Variants in HDAC9 observed in about 807,000 individuals in gnomAD.
The protein encoded by HDAC9 is MEF-2 interacting transcription repressor (MITR) protein.
Under a neutral mutation model 139.4 loss-of-function variants are expected in HDAC9, and 41 were observed. That is an observed-to-expected ratio of 0.29 (90% CI 0.23 to 0.38). HDAC9 has a LOEUF of 0.38. HDAC9 is among the 10% of genes least tolerant of loss of function. HDAC9 has a pLI of 1.00. For synonymous variants in HDAC9, 517 were observed against 476.2 expected, an observed-to-expected ratio of 1.09 and a Z score of -1.12; for missense variants, 1,147 against 1,297.0, an observed-to-expected ratio of 0.88 and a Z score of 1.78.
intron 1 of HDAC9, among the ~76,000 whole-genome samples, chr7:18,385,388 T>C (rs1785823643): frequency 6.6e-6 from 1 of 152,180 alleles, no homozygotes; most frequent in East Asian, 1.9e-4. Context: ...ATGAATAAAG[T>C]TGCCTTAGTA....
chr7:18,927,437 A>G (rs1340512004), intron 22 of HDAC9, among the ~76,000 whole-genome samples: 1 of 152,116 alleles, frequency 6.6e-6, no homozygotes, highest in Non-Finnish European at 1.5e-5. Flanking sequence ...GCATTTTCCT[A>G]AAGAATAACA....
intron 13 of HDAC9, among the ~76,000 whole-genome samples, chr7:18,743,839 T>C (rs993941847): frequency 9.2e-5 from 14 of 151,880 alleles, no homozygotes; most frequent in African/African-American, 3.4e-4. Context: ...ACATGAACCT[T>C]GTTTCAGAAT....
chr7:18,376,785 C>A (rs1403405751), intron 1 of HDAC9, among the ~76,000 whole-genome samples: 1 of 152,056 alleles, frequency 6.6e-6, no homozygotes, highest in Non-Finnish European at 1.5e-5. Context: ...TAATCATATG[C>A]CTGTTTGCTT....
chr7:18,634,739 C>T lies in HDAC9; in HGVS notation c.909C>T (p.Ala303=), dbSNP rs372266256. 1.1e-5 allele frequency: 17 copies of T among 1,566,862 alleles called. No individual in the cohort carries two copies. The highest frequency in any genetic ancestry group is 1.2e-5 in the South Asian group (1 of 86,326). ...ETSVLPPTPH[A]EQMVSQQRIL... ...CGGTTTTGCCCCCTACCCCTCATGC[C>T]GAGGTAAGACCCTTATTATTTTGTT... The change falls in exon 8 of 26, where the codon GCC becomes GCT. Residue 303 remains alanine, a synonymous_variant. Transcript: ENST00000686413.
intron 21 of HDAC9, among the ~76,000 whole-genome samples, chr7:18,868,146 A>G (rs1798633647): frequency 6.6e-6 from 1 of 152,078 alleles, no homozygotes; most frequent in South Asian, 2.1e-4. Flanking sequence ...GTCTTCTTAT[A>G]TGCCAGGTAA....
At chr7:18,908,277 A>T (rs1163633839) in intron 22 of HDAC9, among the ~76,000 whole-genome samples, 1 of 152,118 alleles carries the variant, frequency 6.6e-6, no homozygotes, top group African/African-American at 2.4e-5. Context: ...GTACATGGTT[A>T]TATGGTACAG....
At chr7:18,848,960 T>A (rs1797090008) in intron 21 of HDAC9, among the ~76,000 whole-genome samples, 1 of 152,140 alleles carries the variant, frequency 6.6e-6, no homozygotes, top group Non-Finnish European at 1.5e-5. Context: ...CTCAAATTAT[T>A]TGAACATGAA....
rs561412258 is a variant in HDAC9, at chr7:18,368,414, C to G, written c.-42+77899C>G. Reference sequence around the variant, plus strand: ...CGGTGATCGGCAGTGCCACTATTGCCATATATCAAATTTCTTATATATCAA... The same window carrying G: ...CGGTGATCGGCAGTGCCACTATTGCGATATATCAAATTTCTTATATATCAA... On this transcript the variant is annotated intron_variant, in intron 1 of 3. Transcript: ENST00000413509. Among the ~76,000 whole-genome samples the G allele has an allele frequency of 7.2e-5, 11 of 152,094 alleles. No homozygotes were observed. The East Asian group carries it at 2.1e-3, about 29-fold the overall frequency.
intron 11 of HDAC9, among the ~76,000 whole-genome samples, chr7:18,648,931 T>C (rs1211564582): frequency 1.3e-5 from 2 of 152,190 alleles, no homozygotes; most frequent in African/African-American, 4.8e-5. Context: ...TGATCAGGTA[T>C]ATATTTTGGT....
Position 18,874,458 on chromosome 7 carries a change from G to T in HDAC9, c.2685-20G>T. On this transcript the variant is annotated intron_variant, in intron 21 of 25. Coordinates refer to ENST00000686413, the MANE Select transcript of HDAC9 (RefSeq NM_178425.4). The stretch of plus-strand genomic sequence containing the variant: ...TATTCACCAGTCCCACGTGTGACCG[G>T]TTGCATTTTTACTGTGCAGGACCAT... 1 of 1,512,398 alleles carries T rather than the reference G, an allele frequency of 6.6e-7. No individual in the cohort carries two copies. The highest frequency in any genetic ancestry group is 9.0e-7 in the Non-Finnish European group (1 of 1,105,792). 93.7% of individuals were successfully genotyped at this position (1,512,398 alleles called of 1,614,324 possible).
At position 18,150,774 on chromosome 7, in the gene HDAC9, C is replaced by T. The variant is rs1208665616; in HGVS notation, c.-96-11455C>T. On this transcript the variant is annotated intron_variant, in intron 1 of 12. Coordinates refer to the HDAC9 transcript ENST00000417496. Reference sequence around the variant, plus strand: ...ACTCGATTCTCAGACTCTTGAAGATCAGAGATAAAATTAAGTGCATCTTTT... The same window carrying T: ...ACTCGATTCTCAGACTCTTGAAGATTAGAGATAAAATTAAGTGCATCTTTT... 2.0e-5 allele frequency among the ~76,000 whole-genome samples: 3 copies of T among 152,178 alleles called. No individual in the cohort carries two copies. In the East Asian group the frequency reaches 5.8e-4, roughly 29 times the overall value.
At chr7:18,623,813 G>C (rs532930173) in intron 6 of HDAC9, among the ~76,000 whole-genome samples, 1 of 152,096 alleles carries the variant, frequency 6.6e-6, no homozygotes, top group Admixed American at 6.5e-5. Flanking sequence ...GTGGTGGCAC[G>C]CCCCTATAAT....
rs3138825 is a variant in HDAC9, at chr7:18,349,307, TACACACACACACACACACACACACACAC to T, written c.-42+58820_-42+58847del. On this transcript the variant is annotated intron_variant, in intron 1 of 3. Transcript: ENST00000413509. ...ATGACCTCCCATACTTGAGAACATC[TACACACACACACACACACACACACACAC>T]ACACACACACACACACACACACACA... Among the ~76,000 whole-genome samples the T allele has an allele frequency of 3.4e-4, 43 of 125,820 alleles. No homozygotes were observed. The East Asian group carries it at 9.5e-3, about 28-fold the overall frequency. The allele number at this position is 125,820 out of a possible 152,430, so 82.5% of individuals were successfully genotyped here. A position where few individuals can be genotyped will look rare whatever the true frequency, so the allele number is the denominator to read the frequency against.
intron 1 of HDAC9, among the ~76,000 whole-genome samples, chr7:18,148,199 A>G (rs1012268048): frequency 2.0e-5 from 3 of 152,206 alleles, no homozygotes; most frequent in African/African-American, 7.2e-5. Context: ...TTCGAGTTCT[A>G]TAGATGAGAA....
intron 1 of HDAC9, among the ~76,000 whole-genome samples, chr7:18,368,455 T>G (rs1290246184): frequency 6.6e-6 from 1 of 152,036 alleles, no homozygotes; most frequent in Non-Finnish European, 1.5e-5. Flanking sequence ...CTGTTTCTGT[T>G]TCTGAACTCT....
At chr7:18,891,662 T>C (rs1214851226) in intron 22 of HDAC9, among the ~76,000 whole-genome samples, 1 of 152,156 alleles carries the variant, frequency 6.6e-6, no homozygotes, top group East Asian at 1.9e-4. Context: ...TGACTTGAGG[T>C]GGTGTTCAGA....
At chr7:18,894,715 A>C (rs1490186693) in intron 22 of HDAC9, among the ~76,000 whole-genome samples, 1 of 152,144 alleles carries the variant, frequency 6.6e-6, no homozygotes, top group Non-Finnish European at 1.5e-5. Context: ...TAATAAAATG[A>C]CAGCATATTT....
At chr7:18,616,507 A>T (rs17139451) in intron 6 of HDAC9, among the ~76,000 whole-genome samples, 1 of 152,286 alleles carries the variant, frequency 6.6e-6, no homozygotes, top group South Asian at 2.1e-4. Context: ...TTTGCCTTTT[A>T]TATCCATTCA....
At chr7:18,978,201 G>A (rs1163633789) in intron 25 of HDAC9, among the ~76,000 whole-genome samples, 1 of 152,124 alleles carries the variant, frequency 6.6e-6, no homozygotes, top group African/African-American at 2.4e-5. Context: ...TCCTTTTATA[G>A]GAAATTCTTG....
Sources: allele counts gnomAD v4.1 joint callset (sites outside exome capture counted in the v4.1 genomes callset), GRCh38; gene constraint gnomAD v4.1.1; transcripts MANE v1.5; gene names NCBI Gene and HGNC (gene_info 2026-07-23, HGNC 2026-07-21).